Variants in CNBD1 observed in about 807,000 individuals in gnomAD.
CNBD1 encodes cyclic nucleotide-binding domain-containing protein 1.
Under a neutral mutation model 54.4 loss-of-function variants are expected in CNBD1, and 71 were observed. The observed-to-expected ratio is 1.30, with a 90% CI of 1.08 to 1.59. CNBD1 has a LOEUF of 1.59. CNBD1 is among the 40% of genes most tolerant of loss of function. CNBD1 has a pLI of 0.00. For missense variants in CNBD1, 659 were observed against 518.0 expected, an observed-to-expected ratio of 1.27 and a Z score of -2.64; for synonymous variants, 182 against 170.7, an observed-to-expected ratio of 1.07 and a Z score of -0.51.
At chr8:87,335,303 G>T (rs970958647) in intron 8 of CNBD1, among the ~76,000 whole-genome samples, 1 of 152,112 alleles carries the variant, frequency 6.6e-6, no homozygotes, top group African/African-American at 2.4e-5. Flanking sequence ...TGACAGTGGG[G>T]TGTTAAAGTC....
At chr8:87,109,420 C>T (rs1811610168) in intron 4 of CNBD1, among the ~76,000 whole-genome samples, 2 of 151,986 alleles carry the variant, frequency 1.3e-5, no homozygotes, top group Admixed American at 1.3e-4. Context: ...TACCTGATGG[C>T]ATAAAAATAG....
At chr8:87,024,166 G>A (rs1809566870) in intron 4 of CNBD1, among the ~76,000 whole-genome samples, 1 of 144,226 alleles carries the variant, frequency 6.9e-6, no homozygotes, top group African/African-American at 2.6e-5. Flanking sequence ...GTGAACCCAG[G>A]AGGCAGTGCT....
intron 8 of CNBD1, among the ~76,000 whole-genome samples, chr8:87,351,027 G>T (rs1400508594): frequency 1.3e-5 from 2 of 152,068 alleles, no homozygotes; most frequent in Non-Finnish European, 2.9e-5. Flanking sequence ...CTGTGTACCA[G>T]GCAACATGCT....
chr8:87,159,941 A>G (rs907058645), intron 4 of CNBD1, among the ~76,000 whole-genome samples: 1 of 151,316 alleles, frequency 6.6e-6, no homozygotes, highest in Non-Finnish European at 1.5e-5. Context: ...TTTTTTTTCC[A>G]GAAACAACCA....
chr8:87,169,112 G>A (rs1813031470), intron 4 of CNBD1, among the ~76,000 whole-genome samples: 1 of 151,966 alleles, frequency 6.6e-6, no homozygotes, highest in South Asian at 2.1e-4. Context: ...TTGGATAAAA[G>A]CCATTTTAAC....
chr8:87,339,918 A>T (rs1810030472), intron 8 of CNBD1, among the ~76,000 whole-genome samples: 1 of 152,172 alleles, frequency 6.6e-6, no homozygotes, highest in African/African-American at 2.4e-5. Context: ...ATAGTGATTT[A>T]TGCATCAGTG....
chr8:87,225,233 A>G (rs1481582596), intron 5 of CNBD1, among the ~76,000 whole-genome samples: 2 of 144,100 alleles, frequency 1.4e-5, no homozygotes, highest in African/African-American at 5.1e-5. Flanking sequence ...AATACCCTTT[A>G]TTTCCTTCTC....
chr8:87,381,854 A>G (rs1811081891), intron 10 of CNBD1, among the ~76,000 whole-genome samples: 1 of 151,984 alleles, frequency 6.6e-6, no homozygotes, highest in African/African-American at 2.4e-5. Context: ...GGCATGGGAA[A>G]TGGGAACCTA....
intron 10 of CNBD1, among the ~76,000 whole-genome samples, chr8:87,380,300 G>T (rs1811048252): frequency 6.6e-6 from 1 of 151,710 alleles, no homozygotes; most frequent in Non-Finnish European, 1.5e-5. Flanking sequence ...ATCATTCTTG[G>T]CACCCTTGTT....
At chr8:86,998,018 T>C (rs1808914254) in intron 4 of CNBD1, among the ~76,000 whole-genome samples, 1 of 152,148 alleles carries the variant, frequency 6.6e-6, no homozygotes, top group South Asian at 2.1e-4. Context: ...TACATGCCCA[T>C]GTTATAGCAC....
At chr8:87,390,093 T>G (rs9801931) in intron 2 of CNBD1, among the ~76,000 whole-genome samples, 53,221 of 147,808 alleles carry the variant, frequency 0.36, 9,985 homozygotes, top group Middle Eastern at 0.45. Flanking sequence ...ATACAAAAAT[T>G]AATTCAAGAT....
intron 4 of CNBD1, among the ~76,000 whole-genome samples, chr8:87,151,609 GTATGAGACAACACT>G (rs2130749132): frequency 6.6e-6 from 1 of 152,226 alleles, no homozygotes; most frequent in African/African-American, 2.4e-5. Context: ...CAATTGCTAG[GTATGAGACAACACT>G]TATGACATGG....
At chr8:87,356,467 G>A (rs1488725701) in intron 10 of CNBD1, among the ~76,000 whole-genome samples, 1 of 152,096 alleles carries the variant, frequency 6.6e-6, no homozygotes, top group Non-Finnish European at 1.5e-5. Flanking sequence ...CAAAAATCTT[G>A]GCTGCATTGT....
At chr8:87,060,010 T>C (rs1033347444) in intron 4 of CNBD1, among the ~76,000 whole-genome samples, 1 of 152,236 alleles carries the variant, frequency 6.6e-6, no homozygotes, top group Admixed American at 6.5e-5. Context: ...ACACAGCATC[T>C]GGACCCTCTG....
At chr8:87,314,852 CA>C (rs1183349782) in intron 8 of CNBD1, among the ~76,000 whole-genome samples, 8 of 151,794 alleles carry the variant, frequency 5.3e-5, no homozygotes, top group African/African-American at 1.7e-4. Context: ...AACAAACAAG[CA>C]AAAAACCCTC....
At chr8:87,344,138 A>G (rs754799536) in intron 8 of CNBD1, among the ~76,000 whole-genome samples, 24 of 152,124 alleles carry the variant, frequency 1.6e-4, no homozygotes, top group Non-Finnish European at 3.1e-4. Context: ...ATCTGTACAA[A>G]CAGGAAAAAT....
intron 4 of CNBD1, 29 bp downstream of exon 4, chr8:86,939,783 T>G (rs1450682124): frequency 7.5e-7 from 1 of 1,324,684 alleles, no homozygotes; most frequent in Non-Finnish European, 1.0e-6. Context: ...TTCCTTCTTC[T>G]AATTGAGTAA....
At chr8:87,133,027 A>T (rs1812152546) in intron 4 of CNBD1, among the ~76,000 whole-genome samples, 1 of 151,574 alleles carries the variant, frequency 6.6e-6, no homozygotes, top group South Asian at 2.1e-4. Flanking sequence ...AATCTAATTG[A>T]CTTCTAATCC....
chr8:86,870,752 A>G (rs1460549081), intron 1 of CNBD1, among the ~76,000 whole-genome samples: 1 of 152,184 alleles, frequency 6.6e-6, no homozygotes, highest in East Asian at 1.9e-4. Flanking sequence ...GAGGCTTGTC[A>G]GTGACGAAGA....
Sources: gnomAD v4.1 joint callset for allele counts (sites outside exome capture counted in the v4.1 genomes callset) on GRCh38, gnomAD v4.1.1 for gene constraint, MANE v1.5 for transcripts, NCBI Gene and HGNC (gene_info 2026-07-23, HGNC 2026-07-21) for gene names.